The following GALNTL6 variants were observed in gnomAD, a reference collection of about 807,000 sequenced individuals.
GALNTL6 encodes polypeptide N-acetylgalactosaminyltransferase like 6.
In GALNTL6, 46 loss-of-function variants were observed where a neutral mutation model predicts 73.7. That is an observed-to-expected ratio of 0.62 (90% confidence interval 0.49 to 0.80). GALNTL6 has a LOEUF of 0.80. GALNTL6 is among the 30% of genes least tolerant of loss of function. The pLI, the probability that GALNTL6 is intolerant of heterozygous loss-of-function variation, is 0.00. For synonymous variants in GALNTL6, 259 were observed against 263.7 expected (o/e 0.98, Z 0.17); for missense variants, 604 against 755.0 (o/e 0.80, Z 2.34).
At chr4:172,512,965 T>C (rs1734477088) in intron 5 of GALNTL6, among the ~76,000 whole-genome samples, 1 of 152,120 alleles carries the variant, frequency 6.6e-6, no homozygotes, top group Non-Finnish European at 1.5e-5. Flanking sequence ...TCCTGGGTGT[T>C]TTTTGAGCTT....
At chr4:173,039,210 AT>A (rs1753807585) in intron 12 of GALNTL6, among the ~76,000 whole-genome samples, 1 of 152,148 alleles carries the variant, frequency 6.6e-6, no homozygotes, top group South Asian at 2.1e-4. Flanking sequence ...TGCCTCCTCC[AT>A]TTTGCAGAAA....
At chr4:172,465,042 C>T (rs1184072447) in intron 5 of GALNTL6, among the ~76,000 whole-genome samples, 1 of 152,124 alleles carries the variant, frequency 6.6e-6, no homozygotes, top group African/African-American at 2.4e-5. Flanking sequence ...TTTATTTCCT[C>T]GGCTGAGGTT....
intron 2 of GALNTL6, among the ~76,000 whole-genome samples, chr4:171,887,592 T>C (rs748992236): frequency 6.6e-6 from 1 of 152,022 alleles, no homozygotes; most frequent in African/African-American, 2.4e-5. Flanking sequence ...GAAGGGACAA[T>C]GAGATAAATG....
At chr4:172,319,616 C>G (rs890540190) in intron 4 of GALNTL6, among the ~76,000 whole-genome samples, 2 of 151,924 alleles carry the variant, frequency 1.3e-5, no homozygotes, top group East Asian at 3.9e-4. Flanking sequence ...GATTAGAAAT[C>G]CTGGTAAGTA....
chr4:172,615,665 A>G (rs1480656440), intron 5 of GALNTL6, among the ~76,000 whole-genome samples: 3 of 152,196 alleles, frequency 2.0e-5, no homozygotes, highest in Admixed American at 6.5e-5. Context: ...AATCGAGTCT[A>G]TAACTCTTAC....
At chr4:172,394,894 C>A (rs1290598711) in intron 5 of GALNTL6, among the ~76,000 whole-genome samples, 37 of 152,140 alleles carry the variant, frequency 2.4e-4, no homozygotes, top group Admixed American at 2.4e-3. Flanking sequence ...TTTATACTAC[C>A]TGCCACACAG....
intron 2 of GALNTL6, among the ~76,000 whole-genome samples, chr4:171,839,065 GA>G (rs753135052): frequency 1.3e-5 from 2 of 151,860 alleles, no homozygotes; most frequent in Non-Finnish European, 2.9e-5. Context: ...AAAGTCCAGA[GA>G]TTTTTTTTTT....
intron 2 of GALNTL6, among the ~76,000 whole-genome samples, chr4:172,123,891 T>G (rs369135402): frequency 2.0e-5 from 3 of 152,180 alleles, no homozygotes; most frequent in South Asian, 2.1e-4. Flanking sequence ...ATTGGTCAGG[T>G]TCATCATTTC....
intron 2 of GALNTL6, among the ~76,000 whole-genome samples, chr4:171,931,387 T>A (rs977639311): frequency 6.6e-6 from 1 of 152,308 alleles, no homozygotes; most frequent in South Asian, 2.1e-4. Flanking sequence ...AGCAGAATTT[T>A]ACTGAGCACC....
intron 2 of GALNTL6, among the ~76,000 whole-genome samples, chr4:171,918,527 T>A (rs2110974356): frequency 6.6e-6 from 1 of 152,190 alleles, no homozygotes; most frequent in East Asian, 1.9e-4. Flanking sequence ...ATTTAAAACC[T>A]CTGCACGGTG....
intron 5 of GALNTL6, among the ~76,000 whole-genome samples, chr4:172,715,978 C>G (rs538403103): frequency 1.3e-5 from 2 of 152,156 alleles, no homozygotes; most frequent in Non-Finnish European, 2.9e-5. Flanking sequence ...TATAGACTGG[C>G]GTTCAGATGC....
chr4:171,964,427 A>T, intron 2 of GALNTL6, among the ~76,000 whole-genome samples: 1 of 152,188 alleles, frequency 6.6e-6, no homozygotes, highest in East Asian at 1.9e-4. Context: ...TTAGGTATAG[A>T]CTAACACCAA....
At chr4:172,711,440 C>A (rs1734698148) in intron 5 of GALNTL6, among the ~76,000 whole-genome samples, 1 of 152,106 alleles carries the variant, frequency 6.6e-6, no homozygotes, top group Non-Finnish European at 1.5e-5. Context: ...AAAGAAGATT[C>A]TGAGCTCAGT....
At chr4:172,176,079 C>T (rs1409867266) in intron 2 of GALNTL6, among the ~76,000 whole-genome samples, 1 of 152,008 alleles carries the variant, frequency 6.6e-6, no homozygotes, top group Non-Finnish European at 1.5e-5. Flanking sequence ...GTGGCTCACG[C>T]CTGTAATCCC....
intron 2 of GALNTL6, among the ~76,000 whole-genome samples, chr4:171,923,540 G>A (rs572670639): frequency 1.5e-3 from 219 of 149,730 alleles, no homozygotes; most frequent in Admixed American, 4.2e-3. Flanking sequence ...AGGGACTACA[G>A]GTGCCCGGCA....
At chr4:172,467,581 A>G (rs989437039) in intron 5 of GALNTL6, among the ~76,000 whole-genome samples, 13 of 152,142 alleles carry the variant, frequency 8.5e-5, no homozygotes, top group African/African-American at 2.9e-4. Flanking sequence ...ATCTTGAGGT[A>G]TCTTCCTGGT....
chr4:172,075,832 C>G (rs1327467543), intron 2 of GALNTL6, among the ~76,000 whole-genome samples: 1 of 152,062 alleles, frequency 6.6e-6, no homozygotes, highest in Non-Finnish European at 1.5e-5. Flanking sequence ...TAGAACAATA[C>G]AGAAGTCACC....
intron 3 of GALNTL6, among the ~76,000 whole-genome samples, chr4:172,245,890 C>G (rs1308358387): frequency 2.6e-5 from 4 of 152,104 alleles, no homozygotes; most frequent in African/African-American, 9.7e-5. Flanking sequence ...TGCTCTTTGC[C>G]TGAGTAGCAG....
chr4:172,890,697 T>C (rs2111211830), intron 8 of GALNTL6, among the ~76,000 whole-genome samples: 1 of 152,300 alleles, frequency 6.6e-6, no homozygotes, highest in Admixed American at 6.5e-5. Flanking sequence ...TCTGTAGATG[T>C]CTACTTTGTC....
Sources: allele counts gnomAD v4.1 joint callset (sites outside exome capture counted in the v4.1 genomes callset), GRCh38; gene constraint gnomAD v4.1.1; transcripts MANE v1.5; gene names NCBI Gene and HGNC (gene_info 2026-07-23, HGNC 2026-07-21).